Variants in OXCT1 observed in about 807,000 individuals in gnomAD.
OXCT1 encodes succinyl-CoA:3-ketoacid coenzyme A transferase 1, mitochondrial.
In OXCT1, 27 loss-of-function variants were observed where a neutral mutation model predicts 69.6. The ratio of observed to expected loss-of-function variants is 0.39; its 90% CI spans 0.29 to 0.54. The LOEUF (loss-of-function observed/expected upper bound fraction) is 0.54, where lower values mean the gene tolerates loss of function less well. OXCT1 is among the 20% of genes least tolerant of loss of function. The pLI, the probability that OXCT1 is intolerant of heterozygous loss-of-function variation, is 0.72. For missense variants in OXCT1, 437 were observed against 650.2 expected, an observed-to-expected ratio of 0.67 and a Z score of 3.57; for synonymous variants, 202 against 217.8, an observed-to-expected ratio of 0.93 and a Z score of 0.64.
At chr5:41,768,308 G>A (rs992864043) in intron 13 of OXCT1, among the ~76,000 whole-genome samples, 3 of 152,052 alleles carry the variant, frequency 2.0e-5, no homozygotes, top group Admixed American at 1.3e-4. Flanking sequence ...TCTACCTTCC[G>A]CAAACTACAA....
intron 5 of OXCT1, among the ~76,000 whole-genome samples, chr5:41,843,936 G>GCC (rs1169555947): frequency 6.6e-6 from 1 of 152,102 alleles, no homozygotes; most frequent in East Asian, 1.9e-4. Flanking sequence ...ATATTTCTGA[G>GCC]CCACATATCA....
chr5:41,738,318 G>A (rs569216201), intron 16 of OXCT1, among the ~76,000 whole-genome samples: 98 of 152,178 alleles, frequency 6.4e-4, no homozygotes, highest in African/African-American at 2.3e-3. Flanking sequence ...TCTTGATTTG[G>A]AGCTCCCATA....
chr5:41,851,742 G>A (rs1749184260), intron 4 of OXCT1, among the ~76,000 whole-genome samples: 1 of 152,110 alleles, frequency 6.6e-6, no homozygotes, highest in African/African-American at 2.4e-5. Flanking sequence ...TATTAATGAT[G>A]TACGTACTTT....
At chr5:41,827,866 T>C (rs1230883272) in intron 7 of OXCT1, among the ~76,000 whole-genome samples, 1 of 152,090 alleles carries the variant, frequency 6.6e-6, no homozygotes, top group African/African-American at 2.4e-5. Flanking sequence ...ATCCTCAAAG[T>C]CTCTCCAACA....
intron 9 of OXCT1, among the ~76,000 whole-genome samples, chr5:41,805,294 C>A (rs1008503842): frequency 4.0e-5 from 6 of 151,814 alleles, no homozygotes; most frequent in African/African-American, 1.5e-4. Flanking sequence ...CCATTAAATG[C>A]AAGTTGTACT....
chr5:41,803,129 G>A lies in OXCT1; in HGVS notation c.990C>T (p.Ser330=). Residue 330 remains serine (S), a synonymous_variant, in exon 10 of 17, where the codon AGC becomes AGT. Coordinates refer to ENST00000196371, the MANE Select transcript of OXCT1 (RefSeq NM_000436.4). ...NLGIGIPLLA[S]NFISPNITVH... ...CAGTTATATTTGGGCTGATAAAATTGCTGGCCAGGAGAGGGATTCCTATGC... is the reference window on the plus strand; with the variant it reads ...CAGTTATATTTGGGCTGATAAAATTACTGGCCAGGAGAGGGATTCCTATGC... The A allele has an allele frequency of 6.2e-7, 1 of 1,611,818 alleles. No individual in the cohort carries two copies. Among genetic ancestry groups the A allele is most frequent in the Non-Finnish European group, 8.5e-7 (1 of 1,178,378 alleles).
At chr5:41,781,934 T>C (rs1315069116) in intron 13 of OXCT1, among the ~76,000 whole-genome samples, 1 of 152,306 alleles carries the variant, frequency 6.6e-6, no homozygotes, top group East Asian at 1.9e-4. Flanking sequence ...CGTTTCTTTA[T>C]AACAGAATGA....
intron 7 of OXCT1, among the ~76,000 whole-genome samples, chr5:41,808,735 G>A (rs939466641): frequency 6.6e-6 from 1 of 152,062 alleles, no homozygotes; most frequent in African/African-American, 2.4e-5. Context: ...TGAAAACTCT[G>A]TATGCTCCAG....
At chr5:41,859,864 A>AATATATATATATATATATATTAC (rs1561135423) in intron 3 of OXCT1, among the ~76,000 whole-genome samples, 15 of 120,114 alleles carry the variant, frequency 1.2e-4, no homozygotes, top group African/African-American at 4.6e-4. Context: ...CTAGTATAGT[A>AATATATATATATATATATATTAC]ATATATATAT....
chr5:41,790,630 T>A lies in OXCT1; in HGVS notation c.1248+3373A>T, dbSNP rs150393476. On this transcript the variant is annotated intron_variant, in intron 13 of 16. Transcript: ENST00000196371. ...TGAGAACTCATGGCTTACACAGCCATTGAAAGATTATTAAACTCAGGAAAA... is the reference window on the plus strand; with the variant it reads ...TGAGAACTCATGGCTTACACAGCCAATGAAAGATTATTAAACTCAGGAAAA... Among the ~76,000 whole-genome samples, 20 of 152,272 alleles carry A rather than the reference T, an allele frequency of 1.3e-4. No homozygotes were observed. In the East Asian group the frequency reaches 1.3e-3, roughly 10 times the overall value.
At chr5:41,768,866 A>T (rs1266494856) in intron 13 of OXCT1, among the ~76,000 whole-genome samples, 1 of 152,104 alleles carries the variant, frequency 6.6e-6, no homozygotes, top group Non-Finnish European at 1.5e-5. Flanking sequence ...AAGTCCAAGC[A>T]CCTCAGCCTG....
chr5:41,861,867 G>A (rs1749753801), intron 2 of OXCT1, among the ~76,000 whole-genome samples: 1 of 152,172 alleles, frequency 6.6e-6, no homozygotes, highest in Non-Finnish European at 1.5e-5. Context: ...TGACTTACTT[G>A]AATGAGTGGA....
chr5:41,799,905 T>A (rs1746348366), intron 11 of OXCT1, among the ~76,000 whole-genome samples: 1 of 152,208 alleles, frequency 6.6e-6, no homozygotes, highest in Non-Finnish European at 1.5e-5. Flanking sequence ...ATTACCTGTC[T>A]TCTGAAATTT....
intron 7 of OXCT1, 108 bp downstream of exon 7, chr5:41,840,343 G>T (rs979951271): frequency 1.2e-6 from 1 of 824,208 alleles, no homozygotes; most frequent in Non-Finnish European, 2.0e-6. Context: ...AAAAAAAAAA[G>T]CTGTCATTGT....
intron 13 of OXCT1, among the ~76,000 whole-genome samples, chr5:41,765,349 A>G (rs1267962095): frequency 6.6e-6 from 1 of 152,118 alleles, no homozygotes; most frequent in East Asian, 1.9e-4. Context: ...TGACATCCAA[A>G]GCGACTTTGG....
chr5:41,785,853 A>G (rs550591976), intron 13 of OXCT1, among the ~76,000 whole-genome samples: 200 of 152,330 alleles, frequency 1.3e-3, no homozygotes, highest in African/African-American at 4.6e-3. Flanking sequence ...GCAACCAAGG[A>G]AGGGGTAAGG....
At position 41,767,720 on chromosome 5, in the gene OXCT1, GTGTATATATATA is replaced by G. The variant is rs1202138808; in HGVS notation, c.1249-5532_1249-5521del. On this transcript the variant is annotated intron_variant, in intron 13 of 16. Transcript: ENST00000196371. ...TATCTAGTATCTAATATATATGTGTGTGTATATATATATATATATATATATATATATAGTGTC... is the reference window on the plus strand; with the variant it reads ...TATCTAGTATCTAATATATATGTGTGTATATATATATATATATATAGTGTC... 1.1e-3 allele frequency among the ~76,000 whole-genome samples: 90 copies of G among 78,342 alleles called. 1 individual carries two copies. Among genetic ancestry groups the G allele is most frequent in the African/African-American group, 2.3e-3 (39 of 16,716 alleles). 51.4% of individuals were successfully genotyped at this position (78,342 alleles called of 152,430 possible).
intron 7 of OXCT1, 111 bp downstream of exon 7, chr5:41,840,340 A>T: frequency 1.2e-6 from 1 of 839,380 alleles, no homozygotes; most frequent in Non-Finnish European, 2.0e-6. Flanking sequence ...AACAAAAAAA[A>T]AAGCTGTCAT....
Position 41,807,588 on chromosome 5 carries a change from T to C in OXCT1, c.733-150A>G, listed in dbSNP as rs926844732. On this transcript the variant is annotated intron_variant, in intron 7 of 16. Transcript: ENST00000196371. ...ATATCTATGTATGTATATGTATACA[T>C]ATAGGTAATGTCTATCACACCTCCT... 3.6e-5 allele frequency: 23 copies of C among 633,346 alleles called. No individual in the cohort carries two copies. The South Asian group carries it at 4.0e-4, about 11-fold the overall frequency. 39.2% of individuals were successfully genotyped at this position (633,346 alleles called of 1,614,324 possible). A position where few individuals can be genotyped will look rare whatever the true frequency, so the allele number is the denominator to read the frequency against.
Sources: allele counts gnomAD v4.1 joint callset (sites outside exome capture counted in the v4.1 genomes callset), GRCh38; gene constraint gnomAD v4.1.1; transcripts MANE v1.5; gene names NCBI Gene and HGNC (gene_info 2026-07-23, HGNC 2026-07-21).